Variants in CCDC171 observed in about 807,000 individuals in gnomAD.
CCDC171 encodes coiled-coil domain-containing protein 171.
Under a neutral mutation model 168.2 loss-of-function variants are expected in CCDC171, and 177 were observed. The ratio of observed to expected loss-of-function variants is 1.05; its 90% CI spans 0.93 to 1.19. The LOEUF (loss-of-function observed/expected upper bound fraction) is 1.19. CCDC171 is among the 50% of genes most tolerant of loss of function. The probability of loss-of-function intolerance (pLI) is 0.00; values close to 1 mark genes in which losing one functional copy is unlikely to be tolerated. For synonymous variants in CCDC171, 687 were observed against 540.8 expected, an observed-to-expected ratio of 1.27 and a Z score of -3.75; for missense variants, 1,991 against 1,539.0, an observed-to-expected ratio of 1.29 and a Z score of -4.91.
At chr9:16,013,572 G>A (rs192757534) in intron 3 of CCDC171, among the ~76,000 whole-genome samples, 3 of 152,252 alleles carry the variant, frequency 2.0e-5, no homozygotes, top group Admixed American at 6.5e-5. Flanking sequence ...CAATGCCTAC[G>A]GGGCAAATTA....
chr9:16,063,070 G>A (rs986064656), downstream of CCDC171, among the ~76,000 whole-genome samples: 3 of 152,152 alleles, frequency 2.0e-5, no homozygotes, highest in Admixed American at 6.5e-5. Context: ...GTTGGCGCTC[G>A]GTGACTATTT....
intron 12 of CCDC171, 26 bp from the exon 13 acceptor site, chr9:15,723,655 A>G: frequency 6.4e-7 from 1 of 1,558,478 alleles, no homozygotes; most frequent in Non-Finnish European, 8.7e-7. Flanking sequence ...TTCTTTCATC[A>G]GCTAAACAGC....
chr9:15,730,110 A>C (rs1478092581), intron 16 of CCDC171, among the ~76,000 whole-genome samples: 1 of 151,888 alleles, frequency 6.6e-6, no homozygotes, highest in Non-Finnish European at 1.5e-5. Context: ...TAAAATATTA[A>C]AGTATTTGGT....
At chr9:16,053,258 C>A (rs73417830) in intron 1 of CCDC171, among the ~76,000 whole-genome samples, 5 of 152,232 alleles carry the variant, frequency 3.3e-5, no homozygotes, top group Admixed American at 2.0e-4. Flanking sequence ...TCAGCTTGAG[C>A]GTGGACCAGA....
intron 24 of CCDC171, among the ~76,000 whole-genome samples, chr9:15,917,546 A>G (rs1313866248): frequency 1.3e-5 from 2 of 151,754 alleles, no homozygotes; most frequent in Non-Finnish European, 3.0e-5. Flanking sequence ...GAATTTAGTT[A>G]TTAAAAGTAG....
At chr9:15,811,424 C>G (rs1237185840) in intron 21 of CCDC171, among the ~76,000 whole-genome samples, 4 of 151,782 alleles carry the variant, frequency 2.6e-5, no homozygotes. Flanking sequence ...CTTTTTTTCC[C>G]CACCCCCGTA....
At chr9:16,062,046 A>G (rs138875744), downstream of CCDC171, among the ~76,000 whole-genome samples, 18 of 152,324 alleles carry the variant, frequency 1.2e-4, no homozygotes, top group East Asian at 2.9e-3. Context: ...CACTGTCTTC[A>G]TTTTAACAAT....
intron 3 of CCDC171, among the ~76,000 whole-genome samples, chr9:16,012,005 C>T (rs954981285): frequency 3.3e-5 from 5 of 152,200 alleles, no homozygotes; most frequent in Non-Finnish European, 5.9e-5. Flanking sequence ...AGAGATTGTC[C>T]TTTCCTTCTC....
intron 18 of CCDC171, among the ~76,000 whole-genome samples, chr9:15,758,834 G>A (rs979548121): frequency 6.6e-6 from 1 of 152,114 alleles, no homozygotes; most frequent in Non-Finnish European, 1.5e-5. Flanking sequence ...TTTCTCTCTT[G>A]CCACTGCCAT....
intron 3 of CCDC171, among the ~76,000 whole-genome samples, chr9:15,999,869 C>G (rs1235552712): frequency 2.0e-5 from 3 of 152,062 alleles, no homozygotes; most frequent in Non-Finnish European, 2.9e-5. Flanking sequence ...TCCTATGACT[C>G]AGCTTGGGAA....
At chr9:15,853,807 A>G (rs952916446) in intron 23 of CCDC171, among the ~76,000 whole-genome samples, 1 of 151,474 alleles carries the variant, frequency 6.6e-6, no homozygotes, top group African/African-American at 2.4e-5. Flanking sequence ...ATGAAAAGGA[A>G]TTCAGTTTTG....
chr9:15,649,575 A>G (rs2047337125), intron 7 of CCDC171, among the ~76,000 whole-genome samples: 3 of 152,224 alleles, frequency 2.0e-5, no homozygotes, highest in Admixed American at 2.0e-4. Flanking sequence ...AACCCCATCC[A>G]AAAGTGGGTG....
intron 3 of CCDC171, among the ~76,000 whole-genome samples, chr9:16,001,343 G>T (rs1370011068): frequency 6.6e-6 from 1 of 152,058 alleles, no homozygotes; most frequent in African/African-American, 2.4e-5. Flanking sequence ...AACTCAGGCT[G>T]CCCAGTTTAA....
chr9:15,728,174 G>A, intron 15 of CCDC171, 138 bp downstream of exon 15: 1 of 673,890 alleles, frequency 1.5e-6, no homozygotes, highest in Non-Finnish European at 2.4e-6. Flanking sequence ...ATTAATTATG[G>A]CTTGTCTACA....
chr9:15,622,482 T>C (rs1307677372), intron 6 of CCDC171, among the ~76,000 whole-genome samples: 1 of 152,184 alleles, frequency 6.6e-6, no homozygotes, highest in Non-Finnish European at 1.5e-5. Context: ...TGGAAGCATA[T>C]ATAAATATTC....
intron 24 of CCDC171, among the ~76,000 whole-genome samples, chr9:15,890,917 A>G (rs1196525694): frequency 1.3e-5 from 2 of 152,184 alleles, no homozygotes; most frequent in African/African-American, 2.4e-5. Flanking sequence ...GCTGTATTAT[A>G]TCAGAATCAG....
chr9:15,788,320 A>G (rs986282678), intron 21 of CCDC171, among the ~76,000 whole-genome samples: 1 of 152,220 alleles, frequency 6.6e-6, no homozygotes, highest in African/African-American at 2.4e-5. Flanking sequence ...ATGAGAATGA[A>G]TTAAGATTCT....
At chr9:16,100,393 GA>G in the CCDC171 span, among the ~76,000 whole-genome samples, 1 of 152,174 alleles carries the variant, frequency 6.6e-6, no homozygotes. Context: ...TCCTCTTGCA[GA>G]TAGAGCTCAG....
chr9:15,594,399 T>TACC (rs2042196255), intron 6 of CCDC171, among the ~76,000 whole-genome samples: 1 of 152,176 alleles, frequency 6.6e-6, no homozygotes, highest in African/African-American at 2.4e-5. Context: ...ATGTGATTTT[T>TACC]AAGAAGGATG....
Sources: allele counts gnomAD v4.1 joint callset (sites outside exome capture counted in the v4.1 genomes callset), GRCh38; gene constraint gnomAD v4.1.1; transcripts MANE v1.5; gene names NCBI Gene and HGNC (gene_info 2026-07-23, HGNC 2026-07-21).